PGM2L1: variants seen among roughly 807,000 people sequenced by gnomAD.
PGM2L1 encodes the protein glucose 1,6-bisphosphate synthase.
PGM2L1 carries 35 observed loss-of-function variants against 73.4 expected under a neutral mutation model. The ratio of observed to expected loss-of-function variants is 0.48; its 90% CI spans 0.36 to 0.63. The LOEUF (loss-of-function observed/expected upper bound fraction) is 0.63. PGM2L1 is among the 30% of genes least tolerant of loss of function. The pLI is 0.00. For missense variants in PGM2L1, 570 were observed against 742.0 expected (o/e 0.77, Z 2.69); for synonymous variants, 225 against 253.8 (o/e 0.89, Z 1.08).
intron 5 of PGM2L1, among the ~76,000 whole-genome samples, chr11:74,365,565 A>G (rs1862642130): frequency 6.6e-6 from 1 of 152,234 alleles, no homozygotes; most frequent in African/African-American, 2.4e-5. Flanking sequence ...ATGAACAGAC[A>G]CTTCTCAAAA....
chr11:74,390,135 A>G (rs546615240), intron 1 of PGM2L1, among the ~76,000 whole-genome samples: 2 of 142,978 alleles, frequency 1.4e-5, no homozygotes, highest in African/African-American at 5.2e-5. Flanking sequence ...AAAAAAAGAA[A>G]ACTTGAAGGA....
At chr11:74,361,866 T>G (rs1174879798) in intron 5 of PGM2L1, among the ~76,000 whole-genome samples, 1 of 152,008 alleles carries the variant, frequency 6.6e-6, no homozygotes, top group Non-Finnish European at 1.5e-5. Flanking sequence ...TAAAAAGAAA[T>G]GAACAAAGCC....
At chr11:74,344,871 G>C (rs1250082072) in intron 9 of PGM2L1, among the ~76,000 whole-genome samples, 1 of 152,150 alleles carries the variant, frequency 6.6e-6, no homozygotes, top group Admixed American at 6.5e-5. Flanking sequence ...CCTGTAGCCT[G>C]ACTATGGCTC....
intron 2 of PGM2L1, among the ~76,000 whole-genome samples, chr11:74,372,377 T>C (rs773615782): frequency 1.3e-5 from 2 of 152,180 alleles, no homozygotes; most frequent in Non-Finnish European, 2.9e-5. Flanking sequence ...AATAACACCA[T>C]AGACTAGGAA....
intron 3 of PGM2L1, 67 bp downstream of exon 3, chr11:74,371,644 A>G: frequency 7.2e-7 from 1 of 1,382,598 alleles, no homozygotes; most frequent in Non-Finnish European, 1.0e-6. Flanking sequence ...CTACTACTAG[A>G]CAAAAAAATG....
At chr11:74,343,465 C>T in intron 9 of PGM2L1, 49 bp from the exon 10 acceptor site, 13 of 1,581,638 alleles carry the variant, frequency 8.2e-6, no homozygotes, top group East Asian at 2.3e-5. Flanking sequence ...CTCACAAATA[C>T]CTATTAGAGA....
chr11:74,351,489 C>A lies in PGM2L1; in HGVS notation c.643G>T (p.Gly215Cys). 1 of 1,613,876 alleles carries A rather than the reference C, an allele frequency of 6.2e-7. No homozygotes were observed. Among genetic ancestry groups the A allele is most frequent in the Non-Finnish European group, 8.5e-7 (1 of 1,179,858 alleles). Residue 215 changes from glycine (G) to cysteine (C), a missense_variant, in exon 6 of 14, where the codon GGT (glycine) becomes TGT (cysteine). Transcript: ENST00000298198. Reference protein sequence around the residue: ...CIEECVEPWNGSWNDNLVDTS... With the variant: ...CIEECVEPWNCSWNDNLVDTS... ...TCCACTAAATTATCATTCCAGGAAC[C>A]ATTCCAGGGTTCCACACATTCTTCT...
At chr11:74,360,326 T>C (rs1383829915) in intron 5 of PGM2L1, among the ~76,000 whole-genome samples, 1 of 138,680 alleles carries the variant, frequency 7.2e-6, no homozygotes, top group Non-Finnish European at 1.6e-5. Context: ...GGGAGGGAGG[T>C]AAGAAGGAAA....
At chr11:74,375,519 T>C (rs1246202434) in intron 1 of PGM2L1, among the ~76,000 whole-genome samples, 1 of 152,220 alleles carries the variant, frequency 6.6e-6, no homozygotes, top group African/African-American at 2.4e-5. Context: ...TTCAGTCCAT[T>C]CTATTTGCTT....
Position 74,364,408 on chromosome 11 carries a change from AAAG to A in PGM2L1, c.555+4081_555+4083del, listed in dbSNP as rs1257845173. Among the ~76,000 whole-genome samples, 6 of 152,234 alleles carry A rather than the reference AAAG, an allele frequency of 3.9e-5. No homozygotes were observed. In the East Asian group the frequency reaches 5.8e-4, roughly 15 times the overall value. On this transcript the variant is annotated intron_variant, in intron 5 of 13. Coordinates refer to ENST00000298198, the MANE Select transcript of PGM2L1 (RefSeq NM_173582.6). The stretch of plus-strand genomic sequence containing the variant: ...AGAAATAAAGGGTATTCAGTTAGGA[AAAG>A]AAGAAGTCAAATTGTCCCTGTTTGC...
At chr11:74,349,499 T>C (rs1357113765) in intron 6 of PGM2L1, among the ~76,000 whole-genome samples, 1 of 152,202 alleles carries the variant, frequency 6.6e-6, no homozygotes, top group Non-Finnish European at 1.5e-5. Flanking sequence ...GCCTGCTTCA[T>C]GGCAAGGAAA....
intron 12 of PGM2L1, among the ~76,000 whole-genome samples, chr11:74,340,724 T>G (rs771569071): frequency 2.0e-5 from 3 of 152,182 alleles, no homozygotes; most frequent in Non-Finnish European, 2.9e-5. Context: ...ACATGCCATG[T>G]ACAACACAAT....
At chr11:74,395,897 A>G (rs1863168369) in intron 1 of PGM2L1, among the ~76,000 whole-genome samples, 1 of 151,962 alleles carries the variant, frequency 6.6e-6, no homozygotes, top group Non-Finnish European at 1.5e-5. Flanking sequence ...GTATATCCCA[A>G]CAATGTATAG....
At chr11:74,358,926 C>T (rs994468230) in intron 5 of PGM2L1, among the ~76,000 whole-genome samples, 2 of 151,992 alleles carry the variant, frequency 1.3e-5, no homozygotes, top group African/African-American at 4.8e-5. Flanking sequence ...CCAAAAGTTC[C>T]ACCTCTAAAA....
chr11:74,376,967 A>T (rs914988921), intron 1 of PGM2L1, among the ~76,000 whole-genome samples: 1 of 152,182 alleles, frequency 6.6e-6, no homozygotes, highest in African/African-American at 2.4e-5. Context: ...ATAAACTTTT[A>T]AAAATATAAC....
chr11:74,395,927 T>C (rs1565447952), intron 1 of PGM2L1, among the ~76,000 whole-genome samples: 1 of 151,988 alleles, frequency 6.6e-6, no homozygotes, highest in African/African-American at 2.4e-5. Context: ...GGACAATCAA[T>C]AAATATAAAT....
At chr11:74,367,797 C>T (rs540161226) in intron 5 of PGM2L1, among the ~76,000 whole-genome samples, 6 of 152,312 alleles carry the variant, frequency 3.9e-5, no homozygotes, top group South Asian at 2.1e-4. Flanking sequence ...GAATTAATCA[C>T]GCTTCTTCTC....
chr11:74,385,370 C>T (rs1406376530), intron 1 of PGM2L1, among the ~76,000 whole-genome samples: 2 of 152,104 alleles, frequency 1.3e-5, no homozygotes, highest in East Asian at 3.8e-4. Flanking sequence ...TACATATTCT[C>T]ATATATTACT....
At position 74,336,760 on chromosome 11, in the gene PGM2L1, G is replaced by C. The variant is rs1862103718; in HGVS notation, c.1767-6C>G. On this transcript the variant is annotated splice_region_variant and splice_polypyrimidine_tract_variant and intron_variant, in intron 13 of 13. Transcript: ENST00000298198. ...CCTCCAGTAAAGCAGTGTCACTGAGGAAAAGATGAAGAGTTTTGGAATTAT... is the reference window on the plus strand; with the variant it reads ...CCTCCAGTAAAGCAGTGTCACTGAGCAAAAGATGAAGAGTTTTGGAATTAT... 1 of 1,567,318 alleles carries C rather than the reference G, an allele frequency of 6.4e-7. No homozygotes were observed. Among genetic ancestry groups the C allele is most frequent in the Admixed American group, 1.8e-5 (1 of 56,194 alleles).
Sources: allele counts gnomAD v4.1 joint callset (sites outside exome capture counted in the v4.1 genomes callset), GRCh38; gene constraint gnomAD v4.1.1; transcripts MANE v1.5; gene names NCBI Gene and HGNC (gene_info 2026-07-23, HGNC 2026-07-21).